The following SNRNP70 variants were observed in gnomAD, a reference collection of about 807,000 sequenced individuals.
The protein encoded by SNRNP70 is small nuclear ribonucleoprotein U1 subunit 70.
A neutral mutation model predicts 50.5 loss-of-function variants in SNRNP70; 8 were observed. The ratio of observed to expected loss-of-function variants is 0.16; its 90% CI spans 0.09 to 0.29. The LOEUF (loss-of-function observed/expected upper bound fraction) is 0.29. SNRNP70 is among the 10% of genes least tolerant of loss of function. The pLI is 1.00. For synonymous variants in SNRNP70, 320 were observed against 252.9 expected, an observed-to-expected ratio of 1.27 and a Z score of -2.52; for missense variants, 529 against 663.5, an observed-to-expected ratio of 0.80 and a Z score of 2.23.
chr19:49,093,699 A>AC (rs1325634899), intron 4 of SNRNP70, among the ~76,000 whole-genome samples: 115 of 148,846 alleles, frequency 7.7e-4, no homozygotes, highest in Admixed American at 7.4e-4. Context: ...AAAACAAAAA[A>AC]AAAAACAGTT....
At chr19:49,088,956 C>A (rs907468386) in intron 2 of SNRNP70, among the ~76,000 whole-genome samples, 3 of 152,164 alleles carry the variant, frequency 2.0e-5, no homozygotes, top group African/African-American at 7.2e-5. Flanking sequence ...TGCCATCACT[C>A]CACTCCCATC....
At chr19:49,087,381 G>A (rs1474613084) in intron 2 of SNRNP70, among the ~76,000 whole-genome samples, 1 of 152,098 alleles carries the variant, frequency 6.6e-6, no homozygotes, top group Admixed American at 6.6e-5. Context: ...TAATGTTGGT[G>A]GAGAATTAAA....
At position 49,099,430 on chromosome 19, in the gene SNRNP70, GA is replaced by G. The variant is rs112055338; in HGVS notation, c.393+735del. Among the ~76,000 whole-genome samples, 200 of 150,652 alleles carry G rather than the reference GA, an allele frequency of 1.3e-3. 3 individuals carry two copies. Among genetic ancestry groups the G allele is most frequent in the African/African-American group, 4.5e-3 (186 of 41,092 alleles). On this transcript the variant is annotated intron_variant, in intron 6 of 9. Transcript: ENST00000598441. ...GCAAGACCCCGTTCTCCACACAAAG[GA>G]AAAAAAAAGTATTGTTGGGCCAGGC...
rs369870893 is a variant in SNRNP70, at chr19:49,107,749, G to T, written c.665+37G>T. On this transcript the variant is annotated intron_variant, in intron 9 of 9. Coordinates refer to ENST00000598441, the MANE Select transcript of SNRNP70 (RefSeq NM_003089.6). The surrounding 1 kb of genome is among the most constrained non-coding windows in gnomAD (Gnocchi z 6.0). ...CGACCGGTGTCCTGGGGTGGGGGGC[G>T]GTCACGGGGGGAGCCCAGCCACACA... is the stretch of plus-strand genomic sequence containing the variant. 20 of 1,612,412 alleles carry T rather than the reference G, an allele frequency of 1.2e-5. No homozygotes were observed. The highest frequency in any genetic ancestry group is 1.7e-5 in the Admixed American group (1 of 59,928).
chr19:49,086,963 A>G (rs1026343337), intron 2 of SNRNP70, among the ~76,000 whole-genome samples: 4 of 151,840 alleles, frequency 2.6e-5, no homozygotes, highest in African/African-American at 9.7e-5. Context: ...AGGCAGGCGG[A>G]TCACTTGAGG....
rs372057435 is a variant in SNRNP70, at chr19:49,104,766, G to A, written c.577+31G>A. 1.9e-5 allele frequency: 27 copies of A among 1,419,888 alleles called. No individual in the cohort carries two copies. The highest frequency in any genetic ancestry group is 4.3e-5 in the African/African-American group (3 of 69,722). The allele number at this position is 1,419,888 out of a possible 1,614,324, so 88.0% of individuals were successfully genotyped here. A position where few individuals can be genotyped will look rare whatever the true frequency, so the allele number is the denominator to read the frequency against. On this transcript the variant is annotated intron_variant, in intron 8 of 9. Transcript: ENST00000598441. The surrounding 1 kb of genome is among the most constrained non-coding windows in gnomAD (Gnocchi z 5.4). Reference sequence around the variant, plus strand: ...CACATCCTGCCTTCGACGGGCTCTCGGGGGCCCTGGGCCTGGTGGCCTTGT... The same window carrying A: ...CACATCCTGCCTTCGACGGGCTCTCAGGGGCCCTGGGCCTGGTGGCCTTGT...
At chr19:49,099,246 A>C (rs1305798146) in intron 6 of SNRNP70, among the ~76,000 whole-genome samples, 7 of 152,150 alleles carry the variant, frequency 4.6e-5, no homozygotes, top group African/African-American at 1.7e-4. Context: ...GATGTTAGCC[A>C]TGTCTCTTCT....
Position 49,108,223 on chromosome 19 carries a change from GCCGGGA to G in SNRNP70, c.1101_1106del (p.Asp375_Arg376del). On this transcript the variant is annotated inframe_deletion, in exon 10 of 10. Transcript: ENST00000598441. ...AGCCACCGGAGCGAGCGCGAGCGGC[GCCGGGA>G]CCGGGATCGTGACCGTGACCGTGAC... 6.5e-7 allele frequency: 1 copy of G among 1,534,020 alleles called. No homozygotes were observed. The highest frequency in any genetic ancestry group is 8.8e-7 in the Non-Finnish European group (1 of 1,139,104).
At chr19:49,086,253 TC>T (rs2040377783) in intron 1 of SNRNP70, among the ~76,000 whole-genome samples, 151 bp from the exon 2 acceptor site, 1 of 152,192 alleles carries the variant, frequency 6.6e-6, no homozygotes, top group Admixed American at 6.5e-5. Flanking sequence ...TACCCTTTTC[TC>T]CGCAACACAG....
At chr19:49,101,125 T>C (rs1314796692) in intron 6 of SNRNP70, among the ~76,000 whole-genome samples, 2 of 152,220 alleles carry the variant, frequency 1.3e-5, no homozygotes, top group Non-Finnish European at 2.9e-5. Flanking sequence ...GAGTTACTGC[T>C]ATTCCACCTG....
At chr19:49,101,631 A>G (rs1021580186) in intron 7 of SNRNP70, 160 bp downstream of exon 7, 3 of 604,460 alleles carry the variant, frequency 5.0e-6, no homozygotes, top group Non-Finnish European at 8.8e-6. Flanking sequence ...TTTTTTTTAT[A>G]TACGTGTTTT....
Position 49,104,424 on chromosome 19 carries a change from G to A in SNRNP70, c.476-210G>A, listed in dbSNP as rs896011486. On this transcript the variant is annotated intron_variant, in intron 7 of 9. Transcript: ENST00000598441. The surrounding 1 kb of genome is among the most constrained non-coding windows in gnomAD (Gnocchi z 5.4). ...TCCCCCGACCAGGAGTGGTTGGGGCGCTGAGAGGAAGCAGACGCTGAGATG... is the reference window on the plus strand; with the variant it reads ...TCCCCCGACCAGGAGTGGTTGGGGCACTGAGAGGAAGCAGACGCTGAGATG... The A allele has an allele frequency of 3.2e-4, 173 of 540,076 alleles. No individual in the cohort carries two copies. In the East Asian group the frequency reaches 3.9e-3, roughly 12 times the overall value. The allele number at this position is 540,076 out of a possible 1,614,324, so 33.5% of individuals were successfully genotyped here. A position where few individuals can be genotyped will look rare whatever the true frequency, so the allele number is the denominator to read the frequency against.
chr19:49,100,681 C>T (rs901682802), intron 6 of SNRNP70, among the ~76,000 whole-genome samples: 9 of 152,036 alleles, frequency 5.9e-5, no homozygotes, highest in African/African-American at 2.2e-4. Flanking sequence ...TGGCGCACGC[C>T]TGTAATCCCA....
chr19:49,102,274 C>A lies in SNRNP70; in HGVS notation c.475+803C>A. 3.8e-6 allele frequency: 3 copies of A among 789,662 alleles called. No homozygotes were observed. The South Asian group carries it at 4.3e-5, about 11-fold the overall frequency. The allele number at this position is 789,662 out of a possible 1,614,324, so 48.9% of individuals were successfully genotyped here. On this transcript the variant is annotated intron_variant, in intron 7 of 9. Transcript: ENST00000598441. ...GAGCAGCGAGGCGCCCCTCCTCCCA[C>A]CCCAGTCGCCCCCGTAGCCTCCCCG...
Position 49,108,097 on chromosome 19 carries a change from G to T in SNRNP70, c.968G>T (p.Gly323Val), listed in dbSNP as rs1176687821. Residue 323 changes from glycine to valine, a missense_variant, in exon 10 of 10, where the codon GGT becomes GTT. Physicochemically the swap from Gly to Val is moderately radical, Grantham distance 109. Transcript: ENST00000598441. ...GGDMAEPSEAGDAPPDDGPPG... is the reference protein window; with the variant it reads ...GGDMAEPSEAVDAPPDDGPPG... ...GACATGGCGGAGCCCTCCGAGGCGG[G>T]TGACGCGCCCCCTGATGATGGGCCT... is the stretch of plus-strand genomic sequence containing the variant. The T allele has an allele frequency of 6.4e-7, 1 of 1,552,314 alleles. No individual in the cohort carries two copies. The highest frequency in any genetic ancestry group is 2.0e-5 in the Admixed American group (1 of 49,732).
At chr19:49,095,595 C>T (rs1411468798) in intron 4 of SNRNP70, among the ~76,000 whole-genome samples, 1 of 148,236 alleles carries the variant, frequency 6.7e-6, no homozygotes, top group Non-Finnish European at 1.5e-5. Flanking sequence ...ACTGTAGTGG[C>T]ACGATCTCGG....
Position 49,108,209 on chromosome 19 carries a change from C to T in SNRNP70, c.1080C>T (p.Ser360=), listed in dbSNP as rs1448160906. ...GGGAGCGACGGCGGAGCCACCGGAG[C>T]GAGCGCGAGCGGCGCCGGGACCGGG... ...RDRERRRSHR[S]ERERRRDRDR... is the part of the protein sequence containing the mutation. The change falls in exon 10 of 10, where the codon AGC becomes AGT. Residue 360 remains serine (S), a synonymous_variant. Coordinates refer to ENST00000598441, the MANE Select transcript of SNRNP70 (RefSeq NM_003089.6). 2 of 1,531,380 alleles carry T rather than the reference C, an allele frequency of 1.3e-6. No homozygotes were observed. Among genetic ancestry groups the T allele is most frequent in the Non-Finnish European group, 1.8e-6 (2 of 1,138,280 alleles). 94.9% of individuals were successfully genotyped at this position (1,531,380 alleles called of 1,614,324 possible). A position where few individuals can be genotyped will look rare whatever the true frequency, so the allele number is the denominator to read the frequency against.
intron 7 of SNRNP70, chr19:49,102,282 GC>G: frequency 1.4e-6 from 1 of 700,046 alleles, no homozygotes; most frequent in Non-Finnish European, 2.2e-6. Flanking sequence ...CACCCCAGTC[GC>G]CCCCGTAGCC....
At position 49,106,883 on chromosome 19, in the gene SNRNP70, C is replaced by A. The variant is rs553840364; in HGVS notation, c.578-742C>A. Among the ~76,000 whole-genome samples the A allele has an allele frequency of 1.8e-4, 28 of 152,330 alleles. No homozygotes were observed. The South Asian group carries it at 5.4e-3, about 29-fold the overall frequency. On this transcript the variant is annotated intron_variant, in intron 8 of 9. Transcript: ENST00000598441. Reference sequence around the variant, plus strand: ...CGTGAGCAAGAGCTGGGCATGCCCACGGTTCCGGTGCCCTGCAGTCTGGTG... The same window carrying A: ...CGTGAGCAAGAGCTGGGCATGCCCAAGGTTCCGGTGCCCTGCAGTCTGGTG...
Sources: allele counts gnomAD v4.1 joint callset (sites outside exome capture counted in the v4.1 genomes callset), GRCh38; gene constraint gnomAD v4.1.1; non-coding constraint Gnocchi (gnomAD v3.1); transcripts MANE v1.5; gene names NCBI Gene and HGNC (gene_info 2026-07-23, HGNC 2026-07-21).